Variants in WDFY3 observed in about 807,000 individuals in gnomAD.
WDFY3 encodes WD repeat and FYVE domain containing 3.
Under a neutral mutation model 409.6 loss-of-function variants are expected in WDFY3, and 66 were observed. That is an observed-to-expected ratio of 0.16 (90% CI 0.13 to 0.20). WDFY3 has a LOEUF of 0.20. Ranked by LOEUF, WDFY3 falls within the 10% of genes least tolerant of loss-of-function variation. The pLI, the probability that WDFY3 is intolerant of heterozygous loss-of-function variation, is 1.00. For missense variants in WDFY3, 3,031 were observed against 4,298.1 expected (o/e 0.71, Z 8.24); for synonymous variants, 1,521 against 1,537.1 (o/e 0.99, Z 0.25).
rs1185608929 is a variant in WDFY3, at chr4:84,751,510, T to C, written c.5946A>G (p.Gln1982=). 4.3e-6 allele frequency: 7 copies of C among 1,614,100 alleles called. No individual in the cohort carries two copies. The highest frequency in any genetic ancestry group is 1.3e-5 in the African/African-American group (1 of 74,938). ...CCAACAAAAGATCAATTAGTGGAGT[T>C]TGCTTGCTGGCAGGAGTGAGACAGA... is the stretch of plus-strand genomic sequence containing the variant. ...DNLCLTPASK[Q]TPLIDLLLEA... is the part of the protein sequence containing the mutation. Residue 1982 remains glutamine (Q), a synonymous_variant, in exon 36 of 68, where the codon CAA becomes CAG. Coordinates refer to ENST00000295888, the MANE Select transcript of WDFY3 (RefSeq NM_014991.6).
intron 25 of WDFY3, among the ~76,000 whole-genome samples, chr4:84,780,915 G>C (rs188321670): frequency 4.2e-4 from 64 of 152,266 alleles, no homozygotes; most frequent in African/African-American, 1.4e-3. Flanking sequence ...CTACTGTGTA[G>C]CTCTGGGCTG....
chr4:84,828,914 C>T (rs1031229894), intron 9 of WDFY3, 90 bp downstream of exon 9: 12 of 1,330,212 alleles, frequency 9.0e-6, no homozygotes, highest in South Asian at 1.8e-5. Context: ...CCTTAATTTG[C>T]TTTTCCTATA....
intron 62 of WDFY3, among the ~76,000 whole-genome samples, chr4:84,686,028 A>C (rs1421260524): frequency 1.3e-5 from 2 of 152,192 alleles, no homozygotes; most frequent in Non-Finnish European, 2.9e-5. Context: ...GTTGTTCTGA[A>C]AACCTCTTAA....
chr4:84,778,602 G>C lies in WDFY3; in HGVS notation c.4419C>G (p.Leu1473=). 1 of 1,612,818 alleles carries C rather than the reference G, an allele frequency of 6.2e-7. No homozygotes were observed. The highest frequency in any genetic ancestry group is 1.7e-4 in the Middle Eastern group (1 of 6,056). The change falls in exon 27 of 68, where the codon CTC becomes CTG. Residue 1473 remains leucine, a synonymous_variant. Transcript: ENST00000295888. Reference sequence around the variant, plus strand: ...TTCCCACCAAAGAAAAAGTTAGATGGAGGATGTGGCTGTTAAGAAGGGAAC... The same window carrying C: ...TTCCCACCAAAGAAAAAGTTAGATGCAGGATGTGGCTGTTAAGAAGGGAAC... ...KKRSLLNSHI[L]HLTFSLVGTV...
intron 25 of WDFY3, among the ~76,000 whole-genome samples, chr4:84,781,387 CTTTTG>C (rs1746483082): frequency 6.9e-6 from 1 of 145,098 alleles, no homozygotes; most frequent in African/African-American, 2.6e-5. Flanking sequence ...CCTTCTTTCC[CTTTTG>C]TTTTTTTTTT....
chr4:84,741,261 T>C (rs549578525), intron 38 of WDFY3, among the ~76,000 whole-genome samples: 153 of 152,040 alleles, frequency 1.0e-3, no homozygotes, highest in Admixed American at 1.2e-3. Context: ...AAAGGACACA[T>C]TGGCACCAGG....
intron 9 of WDFY3, among the ~76,000 whole-genome samples, chr4:84,828,640 T>A (rs573053223): frequency 5.3e-4 from 80 of 152,284 alleles, no homozygotes; most frequent in Non-Finnish European, 9.4e-4. Context: ...TGGTGGCTCA[T>A]GACTGTAATC....
chr4:84,929,474 C>G (rs565182780), intron 2 of WDFY3, among the ~76,000 whole-genome samples: 4 of 151,102 alleles, frequency 2.6e-5, no homozygotes, highest in East Asian at 2.0e-4. Context: ...ATTGCGCCCC[C>G]CCCCCCAAAT....
At chr4:84,727,102 GT>G (rs2149121925) in intron 44 of WDFY3, among the ~76,000 whole-genome samples, 191 bp from the exon 45 acceptor site, 1 of 152,258 alleles carries the variant, frequency 6.6e-6, no homozygotes, top group Admixed American at 6.5e-5. Context: ...ATCAAAAGCA[GT>G]TTTAAGTAAA....
intron 3 of WDFY3, among the ~76,000 whole-genome samples, chr4:84,890,677 AG>A (rs1764830831): frequency 6.6e-6 from 1 of 152,230 alleles, no homozygotes; most frequent in African/African-American, 2.4e-5. Context: ...GTTAAGGGTC[AG>A]ATAGCAAATA....
At chr4:84,705,627 G>T (rs903401318) in intron 53 of WDFY3, 116 bp from the exon 54 acceptor site, 7 of 800,802 alleles carry the variant, frequency 8.7e-6, no homozygotes, top group African/African-American at 1.7e-5. Flanking sequence ...GTATCTGTGG[G>T]GTCAAACTGG....
At chr4:84,847,092 CA>C (rs1431716771) in intron 5 of WDFY3, among the ~76,000 whole-genome samples, 1 of 152,028 alleles carries the variant, frequency 6.6e-6, no homozygotes, top group Non-Finnish European at 1.5e-5. Flanking sequence ...TGTGGACATA[CA>C]AAGGTAAAAT....
At chr4:84,825,826 AT>A (rs1754785231) in intron 10 of WDFY3, among the ~76,000 whole-genome samples, 2 of 152,146 alleles carry the variant, frequency 1.3e-5, no homozygotes, top group African/African-American at 4.8e-5. Flanking sequence ...TCATGATCCT[AT>A]TGAATACTTA....
chr4:84,715,651 TGTAGTCCCAGCTACTC>T (rs945623594), intron 49 of WDFY3, among the ~76,000 whole-genome samples: 1 of 151,462 alleles, frequency 6.6e-6, no homozygotes, highest in Admixed American at 6.6e-5. Context: ...GGCGGGTACC[TGTAGTCCCAGCTACTC>T]GGGAGGCTGA....
Position 84,737,352 on chromosome 4 carries a change from T to C in WDFY3, c.6589A>G (p.Ile2197Val), listed in dbSNP as rs750451888. The C allele has an allele frequency of 1.8e-5, 28 of 1,575,466 alleles. No homozygotes were observed. The Middle Eastern group carries it at 5.2e-4, about 29-fold the overall frequency. Reference protein sequence around the residue: ...QDISEGRQLLIKAVNRVWTEL... With the variant: ...QDISEGRQLLVKAVNRVWTEL... ...GTCCAAACTCTGTTGACAGCTTTTA[T>C]GAGAAGCTGACGCCCTAGTAAACAA... The change falls in exon 41 of 68, where the codon ATA becomes GTA. Residue 2197 changes from isoleucine to valine, a missense_variant. This residue lies in a region of WDFY3 where 314 missense variants were observed against 397.4 expected (regional missense o/e 0.79). Coordinates refer to ENST00000295888, the MANE Select transcript of WDFY3 (RefSeq NM_014991.6).
At chr4:84,801,334 T>C (rs150965197) in intron 17 of WDFY3, among the ~76,000 whole-genome samples, 2 of 152,162 alleles carry the variant, frequency 1.3e-5, no homozygotes, top group East Asian at 3.9e-4. Context: ...GGTTAAAAAG[T>C]ATTTCTTTAA....
At chr4:84,713,360 T>A in intron 50 of WDFY3, 121 bp from the exon 51 acceptor site, 1 of 788,284 alleles carries the variant, frequency 1.3e-6, no homozygotes. Context: ...CATAACCCAC[T>A]AAATGGCAGG....
rs779313822 is a variant in WDFY3 at position 84,803,375 on chromosome 4, C to T, written c.2522G>A (p.Ser841Asn). 1.9e-6 allele frequency: 3 copies of T among 1,614,114 alleles called. No homozygotes were observed. The highest frequency in any genetic ancestry group is 2.5e-6 in the Non-Finnish European group (3 of 1,180,020). Residue 841 changes from serine to asparagine, a missense_variant, in exon 16 of 68, where the codon AGT (serine) becomes AAT (asparagine). Coordinates refer to ENST00000295888, the MANE Select transcript of WDFY3 (RefSeq NM_014991.6). The part of the protein sequence containing the change: ...KLHVTTSSLQ[S>N]SDAVIIHPGA... ...AGGATGAATGATGACTGCATCAGAA[C>T]TCTGCAGAGATGAAGTTGTCACATG...
chr4:84,702,464 G>A lies in WDFY3; in HGVS notation c.8485C>T (p.Arg2829Cys), dbSNP rs749089254. The change falls in exon 56 of 68, where the codon CGC becomes TGC. Residue 2829 changes from arginine to cysteine, a missense_variant. Transcript: ENST00000295888. ...DLADRMFHSV[R>C]EAWYSASKHN... ...TTTGACGCTGAATACCAGGCCTCGC[G>A]CACACTGTGAAACATCCGGTCAGCC... 6.2e-7 allele frequency: 1 copy of A among 1,613,244 alleles called. No homozygotes were observed. Among genetic ancestry groups the A allele is most frequent in the Non-Finnish European group, 8.5e-7 (1 of 1,179,766 alleles).
Sources: allele counts gnomAD v4.1 joint callset (sites outside exome capture counted in the v4.1 genomes callset), GRCh38; gene constraint gnomAD v4.1.1; regional missense constraint gnomAD v4.1.1; transcripts MANE v1.5; gene names NCBI Gene and HGNC (gene_info 2026-07-23, HGNC 2026-07-21).